Variants in NSD1 observed in about 807,000 individuals in gnomAD.
NSD1 encodes histone-lysine N-methyltransferase, H3 lysine-36 specific.
In NSD1, 26 loss-of-function variants were observed where a neutral mutation model predicts 242.7. That is an observed-to-expected ratio of 0.11 (90% CI 0.08 to 0.15). The LOEUF (loss-of-function observed/expected upper bound fraction) is 0.15, where lower values mean the gene tolerates loss of function less well. Ranked by LOEUF, NSD1 falls within the 10% of genes least tolerant of loss-of-function variation. The pLI is 1.00. For missense variants in NSD1, 2,495 were observed against 3,272.8 expected, an observed-to-expected ratio of 0.76 and a Z score of 5.80; for synonymous variants, 1,106 against 1,178.1, an observed-to-expected ratio of 0.94 and a Z score of 1.25.
rs749323498 is a variant in NSD1, at chr5:177,204,328, A to G, written c.1236+36A>G. ...AAAAAGGCTTTTTATTGAGTGACAG[A>G]AGCAAGTAAGAAAAAGAAAGAAAAT... On this transcript the variant is annotated intron_variant, in intron 4 of 22. Coordinates refer to ENST00000439151, the MANE Select transcript of NSD1 (RefSeq NM_022455.5). The G allele has an allele frequency of 1.1e-5, 18 of 1,585,850 alleles. No individual in the cohort carries two copies. In the African/African-American group the frequency reaches 2.3e-4, roughly 20 times the overall value.
In NSD1 at chr5:177,212,116, A is replaced by G; in HGVS notation, c.3717A>G (p.Lys1239=). 6.2e-7 allele frequency: 1 copy of G among 1,614,116 alleles called. No individual in the cohort carries two copies. ...GGCCACGGTTAAATGTTTGTGATAAATCCAGTGCCAGCATTGGTGACATGG... is the reference window on the plus strand; with the variant it reads ...GGCCACGGTTAAATGTTTGTGATAAGTCCAGTGCCAGCATTGGTGACATGG... ...SAGPRLNVCD[K]SSASIGDMEK... The change falls in exon 5 of 23, where the codon AAA becomes AAG. Residue 1239 remains lysine, a synonymous_variant. Coordinates refer to ENST00000439151, the MANE Select transcript of NSD1 (RefSeq NM_022455.5).
intron 14 of NSD1, chr5:177,266,506 C>T: frequency 1.6e-6 from 1 of 624,464 alleles, no homozygotes. Flanking sequence ...GGACGTCATG[C>T]CCTCGACGTT....
chr5:177,196,733 A>G (rs907826625), intron 3 of NSD1, among the ~76,000 whole-genome samples: 1 of 152,232 alleles, frequency 6.6e-6, no homozygotes, highest in East Asian at 1.9e-4. Flanking sequence ...AGGTACATTG[A>G]GGAAGACATC....
chr5:177,215,579 A>T (rs982815638), intron 5 of NSD1, among the ~76,000 whole-genome samples: 2 of 149,390 alleles, frequency 1.3e-5, no homozygotes, highest in African/African-American at 4.9e-5. Context: ...TCCCTCTGTC[A>T]CCCAGGCTGG....
At chr5:177,171,098 A>C (rs1264821883) in intron 2 of NSD1, among the ~76,000 whole-genome samples, 1 of 151,778 alleles carries the variant, frequency 6.6e-6, no homozygotes, top group Admixed American at 6.6e-5. Context: ...CGAGGTGGAC[A>C]GATCACAAGG....
chr5:177,270,687 A>G (rs927760741), intron 16 of NSD1, among the ~76,000 whole-genome samples: 9 of 152,198 alleles, frequency 5.9e-5, no homozygotes, highest in African/African-American at 1.9e-4. Context: ...GACTTTGTCT[A>G]TAGGGTGAGA....
chr5:177,207,593 ATTTTT>A (rs150492535), intron 4 of NSD1, among the ~76,000 whole-genome samples: 9 of 78,220 alleles, frequency 1.2e-4, no homozygotes, highest in African/African-American at 6.3e-4. Context: ...ATTTATTTAA[ATTTTT>A]TTTTTTTTTT....
At chr5:177,163,379 G>A (rs1758918242) in intron 2 of NSD1, among the ~76,000 whole-genome samples, 2 of 152,022 alleles carry the variant, frequency 1.3e-5, no homozygotes, top group Non-Finnish European at 2.9e-5. Flanking sequence ...CTGACCTCAT[G>A]ATCCACCCAC....
At chr5:177,239,215 T>G (rs1033208820) in intron 7 of NSD1, among the ~76,000 whole-genome samples, 2 of 152,226 alleles carry the variant, frequency 1.3e-5, no homozygotes, top group Non-Finnish European at 2.9e-5. Flanking sequence ...GTGCTTAAAC[T>G]AGTTGGGTAT....
intron 3 of NSD1, among the ~76,000 whole-genome samples, chr5:177,200,092 TG>T (rs1192803182): frequency 6.6e-6 from 1 of 151,986 alleles, no homozygotes; most frequent in Non-Finnish European, 1.5e-5. Context: ...ATAAATTTAA[TG>T]TTTTTTTTTT....
chr5:177,195,181 T>C (rs1299379509), intron 3 of NSD1, among the ~76,000 whole-genome samples: 1 of 151,726 alleles, frequency 6.6e-6, no homozygotes, highest in Non-Finnish European at 1.5e-5. Flanking sequence ...TAACTTAGTG[T>C]GTTAAAAATT....
intron 4 of NSD1, among the ~76,000 whole-genome samples, chr5:177,206,653 T>C (rs1762888128): frequency 6.6e-6 from 1 of 152,124 alleles, no homozygotes; most frequent in Non-Finnish European, 1.5e-5. Flanking sequence ...AATTAGTATG[T>C]GTTGTTAGGA....
Position 177,133,873 on chromosome 5 carries a change from C to T in NSD1, c.-97C>T, listed in dbSNP as rs911420446. The T allele has an allele frequency of 2.6e-5, 4 of 151,058 alleles. No individual in the cohort carries two copies. Among genetic ancestry groups the T allele is most frequent in the African/African-American group, 9.7e-5 (4 of 41,184 alleles). The allele number at this position is 151,058 out of a possible 1,614,324, so 9.4% of individuals were successfully genotyped here. On this transcript the variant is annotated 5_prime_UTR_variant, in exon 1 of 23. Coordinates refer to ENST00000439151, the MANE Select transcript of NSD1 (RefSeq NM_022455.5). The surrounding 1 kb of genome is among the most constrained non-coding windows in gnomAD (Gnocchi z 6.2). ...GGTGCGGCGAGCGGCCCCGCTCTCT[C>T]CCCACCGCTCCGCTCGCACCCCAGT...
At chr5:177,240,094 T>G (rs1327220161) in intron 8 of NSD1, among the ~76,000 whole-genome samples, 1 of 152,180 alleles carries the variant, frequency 6.6e-6, no homozygotes, top group East Asian at 1.9e-4. Context: ...GTGAAAAAAA[T>G]TTTTAAATGC....
At chr5:177,203,768 ATCT>A (rs1295524529) in intron 3 of NSD1, among the ~76,000 whole-genome samples, 10 of 151,868 alleles carry the variant, frequency 6.6e-5, no homozygotes, top group Non-Finnish European at 8.8e-5. Context: ...TACTATATAC[ATCT>A]TCTGTATTTT....
At chr5:177,192,751 G>C in intron 3 of NSD1, among the ~76,000 whole-genome samples, 1 of 152,130 alleles carries the variant, frequency 6.6e-6, no homozygotes, top group Non-Finnish European at 1.5e-5. Flanking sequence ...GGCTGGTCTT[G>C]AACTCCTGAG....
chr5:177,291,417 G>A (rs888266634), intron 21 of NSD1, among the ~76,000 whole-genome samples: 6 of 152,212 alleles, frequency 3.9e-5, no homozygotes, highest in Admixed American at 1.3e-4. Context: ...CACTTTAGGA[G>A]GCCAAAGCGG....
intron 2 of NSD1, among the ~76,000 whole-genome samples, chr5:177,148,702 A>G (rs1757456711): frequency 6.6e-6 from 1 of 152,208 alleles, no homozygotes; most frequent in Admixed American, 6.5e-5. Flanking sequence ...CTGGGATTAC[A>G]GGTGTGAGCC....
intron 2 of NSD1, among the ~76,000 whole-genome samples, chr5:177,156,104 C>G (rs1400379078): frequency 6.6e-6 from 1 of 151,190 alleles, no homozygotes; most frequent in Admixed American, 6.6e-5. Flanking sequence ...ATGGAATACC[C>G]TAGGTATTCT....
Sources: allele counts gnomAD v4.1 joint callset (sites outside exome capture counted in the v4.1 genomes callset), GRCh38; gene constraint gnomAD v4.1.1; non-coding constraint Gnocchi (gnomAD v3.1); transcripts MANE v1.5; gene names NCBI Gene and HGNC (gene_info 2026-07-23, HGNC 2026-07-21).